MED27: variants seen among roughly 807,000 people sequenced by gnomAD.
The protein encoded by MED27 is mediator of RNA polymerase II transcription subunit 27.
A neutral mutation model predicts 38.2 loss-of-function variants in MED27; 30 were observed. That is an observed-to-expected ratio of 0.79 (90% CI 0.59 to 1.07). The LOEUF (loss-of-function observed/expected upper bound fraction) is 1.07. Among genes scored for constraint, MED27 ranks in the 50% least tolerant of loss-of-function variants. MED27 has a pLI of 0.00. For synonymous variants in MED27, 122 were observed against 153.5 expected (o/e 0.79, Z 1.52); for missense variants, 289 against 397.5 (o/e 0.73, Z 2.32).
intron 6 of MED27, among the ~76,000 whole-genome samples, chr9:131,870,525 C>T (rs1353794727): frequency 6.6e-6 from 1 of 152,142 alleles, no homozygotes; most frequent in Non-Finnish European, 1.5e-5. Context: ...AGTGACTTGC[C>T]CAAGCCAAGG....
intron 3 of MED27, among the ~76,000 whole-genome samples, chr9:132,006,212 C>T (rs1355988226): frequency 1.3e-5 from 2 of 152,196 alleles, no homozygotes; most frequent in Non-Finnish European, 2.9e-5. Context: ...CATCTCTGCC[C>T]ACCAGCCCAA....
Position 131,869,160 on chromosome 9 carries a change from A to T in MED27, c.724-6020T>A, listed in dbSNP as rs569291962. On this transcript the variant is annotated intron_variant, in intron 6 of 7. Transcript: ENST00000292035. ...ACCAATTACAGAAATATTTTAATAAAGGAAACAGAGCTGATGAACTCGCCA... is the reference window on the plus strand; with the variant it reads ...ACCAATTACAGAAATATTTTAATAATGGAAACAGAGCTGATGAACTCGCCA... 19 of 985,454 alleles carry T rather than the reference A, an allele frequency of 1.9e-5. No individual in the cohort carries two copies. The African/African-American group carries it at 3.0e-4, about 15-fold the overall frequency. 61.0% of individuals were successfully genotyped at this position (985,454 alleles called of 1,614,324 possible).
intron 5 of MED27, among the ~76,000 whole-genome samples, chr9:131,890,978 A>G (rs1275533807): frequency 1.3e-5 from 2 of 152,224 alleles, no homozygotes; most frequent in African/African-American, 4.8e-5. Context: ...CACCAATTCT[A>G]GTACTAGGAA....
rs183894813 is a variant in MED27, at chr9:131,898,460, C to G, written c.574-4468G>C. On this transcript the variant is annotated intron_variant, in intron 4 of 7. Transcript: ENST00000292035. ...GAACTCCTGACCTCAGGTGATCCAC[C>G]CGCCCTCGGCCTCCCAAAGTGCTGG... Among the ~76,000 whole-genome samples the G allele has an allele frequency of 5.1e-4, 78 of 152,304 alleles. No individual in the cohort carries two copies. In the East Asian group the frequency reaches 0.015, roughly 29 times the overall value.
intron 2 of MED27, among the ~76,000 whole-genome samples, chr9:132,052,629 G>A (rs1046016459): frequency 5.9e-5 from 9 of 151,608 alleles, no homozygotes; most frequent in Middle Eastern, 3.2e-3. Context: ...AGTATACATC[G>A]TCGCTGTTAG....
intron 3 of MED27, among the ~76,000 whole-genome samples, chr9:132,008,279 T>A (rs1250320934): frequency 6.6e-6 from 1 of 152,224 alleles, no homozygotes; most frequent in African/African-American, 2.4e-5. Flanking sequence ...AATATATAAC[T>A]CATAGATCAA....
intron 3 of MED27, among the ~76,000 whole-genome samples, chr9:131,996,288 T>C (rs891710559): frequency 1.3e-5 from 2 of 152,116 alleles, no homozygotes; most frequent in African/African-American, 4.8e-5. Flanking sequence ...AATGAAGACA[T>C]AGCAACTCTG....
rs111727833 is a variant in MED27, at chr9:132,049,948, A to AT, written c.348+27493dup. 6.4e-4 allele frequency among the ~76,000 whole-genome samples: 97 copies of AT among 150,792 alleles called. 1 individual carries two copies. Among genetic ancestry groups the AT allele is most frequent in the African/African-American group, 1.3e-3 (54 of 41,156 alleles). On this transcript the variant is annotated intron_variant, in intron 2 of 7. Coordinates refer to ENST00000292035, the MANE Select transcript of MED27 (RefSeq NM_004269.4). ...GTTTTACACTATTTTAAGTTAAACT[A>AT]TTTTTTTTTTCCTCAAACCTAACAC... is the stretch of plus-strand genomic sequence containing the variant.
rs1564325245 is a variant in MED27 at position 132,014,429 on chromosome 9, A to C, written c.387T>G (p.Asn129Lys). ...TAGCGGAACGCTTCAATGACTGCTG[A>C]TTTAAAAGGCCAGATGCTAGTCCTG... is the stretch of plus-strand genomic sequence containing the variant. ...YHAGLASGLL[N>K]QQSLKRSANQ... Residue 129 changes from asparagine (N) to lysine (K), a missense_variant, in exon 3 of 8, where the codon AAT (asparagine) becomes AAG (lysine). Asn to Lys is a moderately conservative substitution (Grantham distance 94). Coordinates refer to ENST00000292035, the MANE Select transcript of MED27 (RefSeq NM_004269.4). The C allele has an allele frequency of 3.7e-6, 6 of 1,614,010 alleles. No homozygotes were observed. The highest frequency in any genetic ancestry group is 5.1e-6 in the Non-Finnish European group (6 of 1,180,008).
chr9:131,933,673 T>C (rs1005569532), intron 4 of MED27, among the ~76,000 whole-genome samples: 1 of 151,898 alleles, frequency 6.6e-6, no homozygotes, highest in African/African-American at 2.4e-5. Context: ...TGTTCATAGG[T>C]TGGAAGAATC....
At chr9:132,079,525 A>C in intron 1 of MED27, 117 bp downstream of exon 1, 4 of 922,790 alleles carry the variant, frequency 4.3e-6, no homozygotes, top group Non-Finnish European at 6.8e-6. Flanking sequence ...CAAGAAGAGA[A>C]AGAACAGGGA....
At chr9:131,928,852 A>G (rs777773136) in intron 4 of MED27, among the ~76,000 whole-genome samples, 1 of 152,252 alleles carries the variant, frequency 6.6e-6, no homozygotes, top group Non-Finnish European at 1.5e-5. Flanking sequence ...TAGCCAGTGG[A>G]CTAGGGCGGC....
chr9:132,062,816 T>A (rs1426093118), intron 2 of MED27, among the ~76,000 whole-genome samples: 1 of 151,650 alleles, frequency 6.6e-6, no homozygotes. Flanking sequence ...AGAGACGGAG[T>A]CTCACTATGT....
intron 4 of MED27, among the ~76,000 whole-genome samples, chr9:131,927,210 C>T (rs1213480797): frequency 2.6e-5 from 4 of 152,232 alleles, no homozygotes; most frequent in East Asian, 3.9e-4. Flanking sequence ...AAAACAGCCC[C>T]GAAACAGAGC....
At chr9:131,930,032 C>CAGAG (rs112511169) in intron 4 of MED27, among the ~76,000 whole-genome samples, 123 of 151,202 alleles carry the variant, frequency 8.1e-4, no homozygotes, top group African/African-American at 2.8e-3. Flanking sequence ...TGGCTTAGCA[C>CAGAG]AGAGAGAGAG....
At chr9:132,027,483 C>A (rs947172570) in intron 2 of MED27, among the ~76,000 whole-genome samples, 2 of 152,250 alleles carry the variant, frequency 1.3e-5, no homozygotes, top group African/African-American at 4.8e-5. Context: ...TGAGCAGGCA[C>A]ACTCGTGTGC....
At position 131,861,406 on chromosome 9, in the gene MED27, C is replaced by A. The variant is rs549394574; in HGVS notation, c.802-734G>T. On this transcript the variant is annotated intron_variant, in intron 7 of 7. Transcript: ENST00000292035. The surrounding 1 kb of genome is among the most constrained non-coding windows in gnomAD (Gnocchi z 4.4). ...AGCAAGTTCTCGCGGTGAAAGGGCA[C>A]GTGAATCTTGTCATTTAATGTCCTC... 2.6e-5 allele frequency among the ~76,000 whole-genome samples: 4 copies of A among 152,236 alleles called. No individual in the cohort carries two copies. The East Asian group carries it at 5.8e-4, about 22-fold the overall frequency.
intron 3 of MED27, among the ~76,000 whole-genome samples, chr9:132,004,899 C>T (rs1422079857): frequency 6.6e-6 from 1 of 152,142 alleles, no homozygotes; most frequent in African/African-American, 2.4e-5. Flanking sequence ...CAAGACTAGG[C>T]CGTAAAAGAG....
chr9:131,914,839 G>A (rs1218023885), intron 4 of MED27, among the ~76,000 whole-genome samples: 2 of 152,198 alleles, frequency 1.3e-5, no homozygotes, highest in Non-Finnish European at 2.9e-5. Flanking sequence ...CTGGGGAAAG[G>A]TGAGTGAATT....
Sources: gnomAD v4.1 joint callset for allele counts (sites outside exome capture counted in the v4.1 genomes callset) on GRCh38, gnomAD v4.1.1 for gene constraint, Gnocchi (gnomAD v3.1) non-coding constraint, MANE v1.5 for transcripts, NCBI Gene and HGNC (gene_info 2026-07-23, HGNC 2026-07-21) for gene names.